ROBO2: variants seen among roughly 807,000 people sequenced by gnomAD.
The protein encoded by ROBO2 is roundabout homolog 2.
ROBO2 carries 53 observed loss-of-function variants against 160.8 expected under a neutral mutation model. The observed-to-expected ratio is 0.33, with a 90% CI of 0.26 to 0.41. The LOEUF is 0.41. Among genes scored for constraint, ROBO2 ranks in the 10% least tolerant of loss-of-function variants. The pLI, the probability that ROBO2 is intolerant of heterozygous loss-of-function variation, is 1.00. For synonymous variants in ROBO2, 664 were observed against 611.7 expected, an observed-to-expected ratio of 1.09 and a Z score of -1.26; for missense variants, 1,577 against 1,722.4, an observed-to-expected ratio of 0.92 and a Z score of 1.49.
At position 77,069,881 on chromosome 3, in the gene ROBO2, A is replaced by C. The variant is rs77824730; in HGVS notation, c.62-28133A>C. On this transcript the variant is annotated intron_variant, in intron 1 of 25. Coordinates refer to ENST00000461745, the Ensembl canonical transcript of ROBO2. ...GATATGTGTTGAATTGTGTCCCTCC[A>C]AAAATGTTTGTTAAAATCATAACCC... Among the ~76,000 whole-genome samples, 551 of 152,182 alleles carry C rather than the reference A, an allele frequency of 3.6e-3. 3 individuals are homozygous for C. Among genetic ancestry groups the C allele is most frequent in the African/African-American group, 0.012 (518 of 41,502 alleles).
chr3:77,609,338 T>A (rs979687329), intron 21 of ROBO2, among the ~76,000 whole-genome samples: 6 of 152,076 alleles, frequency 3.9e-5, no homozygotes, highest in Admixed American at 1.3e-4. Flanking sequence ...CAGTGTCACA[T>A]AAATCATGAG....
chr3:77,634,760 A>C lies in ROBO2; in HGVS notation c.3761-110A>C, dbSNP rs555216585. The C allele has an allele frequency of 1.9e-4, 190 of 1,012,336 alleles. 3 individuals carry two copies. The South Asian group carries it at 1.9e-3, about 10-fold the overall frequency. The allele number at this position is 1,012,336 out of a possible 1,614,324, so 62.7% of individuals were successfully genotyped here. On this transcript the variant is annotated intron_variant, in intron 23 of 25. Transcript: ENST00000461745. ...ATGCACCAATATTTGGTATCTTCAT[A>C]TGTTATCTCTAGGTAGATTTACAGG... is the stretch of plus-strand genomic sequence containing the variant.
intron 2 of ROBO2, among the ~76,000 whole-genome samples, chr3:76,119,426 GA>G (rs1156785594): frequency 6.6e-6 from 1 of 151,934 alleles, no homozygotes; most frequent in Non-Finnish European, 1.5e-5. Flanking sequence ...GTGAGATTAT[GA>G]CTCACCCGAA....
intron 2 of ROBO2, among the ~76,000 whole-genome samples, chr3:76,029,460 T>C (rs7620922): frequency 0.28 from 41,995 of 151,908 alleles, 8,180 homozygotes; most frequent in African/African-American, 0.56. Context: ...TGGTGTGCTG[T>C]ACCCATTAAA....
intron 2 of ROBO2, among the ~76,000 whole-genome samples, chr3:77,032,983 A>G (rs888257359): frequency 3.9e-5 from 6 of 152,174 alleles, no homozygotes; most frequent in Non-Finnish European, 5.9e-5. Context: ...TTTCTCTGTC[A>G]TGATAGAGGA....
At chr3:76,931,364 G>A (rs975186255) in intron 2 of ROBO2, among the ~76,000 whole-genome samples, 2 of 152,108 alleles carry the variant, frequency 1.3e-5, no homozygotes, top group African/African-American at 4.8e-5. Context: ...AAGCAAAATA[G>A]TGAAAGCTAT....
At chr3:77,395,320 G>T (rs181694095) in intron 2 of ROBO2, among the ~76,000 whole-genome samples, 2 of 152,132 alleles carry the variant, frequency 1.3e-5, no homozygotes, top group African/African-American at 4.8e-5. Flanking sequence ...CCGCTTTCCC[G>T]GAGGGGTGGG....
chr3:76,427,847 T>A (rs577629072), intron 2 of ROBO2, among the ~76,000 whole-genome samples: 5 of 152,246 alleles, frequency 3.3e-5, no homozygotes, highest in Middle Eastern at 3.4e-3. Flanking sequence ...TCAGTGAGTA[T>A]CTTAGCACAA....
intron 2 of ROBO2, among the ~76,000 whole-genome samples, chr3:76,266,715 G>A (rs779519302): frequency 3.9e-5 from 6 of 152,130 alleles, no homozygotes; most frequent in Admixed American, 6.6e-5. Context: ...GCTTGGGCAA[G>A]TCTATGATGC....
intron 1 of ROBO2, among the ~76,000 whole-genome samples, chr3:77,095,083 G>A (rs150430983): frequency 6.6e-6 from 1 of 152,064 alleles, no homozygotes; most frequent in African/African-American, 2.4e-5. Flanking sequence ...TATCCAAGAA[G>A]CCATCACCTA....
intron 2 of ROBO2, among the ~76,000 whole-genome samples, chr3:76,204,253 C>A (rs1291001395): frequency 6.6e-6 from 1 of 151,906 alleles, no homozygotes; most frequent in Non-Finnish European, 1.5e-5. Context: ...TAAGTAACTA[C>A]TTAGAATTGA....
intron 2 of ROBO2, among the ~76,000 whole-genome samples, chr3:76,744,239 G>A (rs1001711460): frequency 6.6e-6 from 1 of 152,118 alleles, no homozygotes; most frequent in African/African-American, 2.4e-5. Context: ...GAAAGTTCAA[G>A]ACCAAGGTAT....
intron 5 of ROBO2, among the ~76,000 whole-genome samples, chr3:77,501,341 C>A (rs2087576794): frequency 6.6e-6 from 1 of 152,044 alleles, no homozygotes; most frequent in African/African-American, 2.4e-5. Flanking sequence ...ATTATATTAA[C>A]ACAAATACTT....
At chr3:76,887,193 C>CCTTTTTTTTTTTTTTTTTT (rs1178064382) in intron 2 of ROBO2, among the ~76,000 whole-genome samples, 9 of 120,444 alleles carry the variant, frequency 7.5e-5, no homozygotes, top group South Asian at 2.8e-4. Context: ...CTTCAGGAAG[C>CCTTTTTTTTTTTTTTTTTT]ATTTTTTTTT....
Position 77,602,498 on chromosome 3 carries a change from C to A in ROBO2, c.3136+7C>A. ...CAGAACAAAGGTAACAATGGTGAGT[C>A]AGGTTCTTGTGTCCTGAGGAGGTAT... On this transcript the variant is annotated splice_region_variant and intron_variant, in intron 20 of 25. Coordinates refer to ENST00000461745, the Ensembl canonical transcript of ROBO2. 1 of 1,614,014 alleles carries A rather than the reference C, an allele frequency of 6.2e-7. No individual in the cohort carries two copies. Among genetic ancestry groups the A allele is most frequent in the Non-Finnish European group, 8.5e-7 (1 of 1,179,956 alleles).
At chr3:77,072,400 GAA>G (rs933488626) in intron 1 of ROBO2, among the ~76,000 whole-genome samples, 4 of 152,096 alleles carry the variant, frequency 2.6e-5, no homozygotes, top group African/African-American at 9.7e-5. Flanking sequence ...CTACTCCATG[GAA>G]AAAGTGTCAC....
At chr3:76,910,725 C>CAAAAAAAAAAAAAAA (rs10662303) in intron 2 of ROBO2, among the ~76,000 whole-genome samples, 1 of 35,522 alleles carries the variant, frequency 2.8e-5, no homozygotes, top group African/African-American at 1.3e-4. Flanking sequence ...AACTCTGTCT[C>CAAAAAAAAAAAAAAA]AAAAAAAAAA....
At chr3:75,984,925 A>G (rs76744244) in intron 2 of ROBO2, among the ~76,000 whole-genome samples, 4,470 of 151,572 alleles carry the variant, frequency 0.029, 214 homozygotes, top group African/African-American at 0.095. Flanking sequence ...CACTTGGAAC[A>G]TAAGGGTAAT....
chr3:77,268,285 C>A (rs1455773075), intron 2 of ROBO2, among the ~76,000 whole-genome samples: 1 of 151,858 alleles, frequency 6.6e-6, no homozygotes. Flanking sequence ...TATTTTTATT[C>A]TCATGTAGAA....
Sources: allele counts gnomAD v4.1 joint callset (sites outside exome capture counted in the v4.1 genomes callset), GRCh38; gene constraint gnomAD v4.1.1; transcripts MANE v1.5; gene names NCBI Gene and HGNC (gene_info 2026-07-23, HGNC 2026-07-21).